Variants in PHF12 observed in about 807,000 individuals in gnomAD.
The protein encoded by PHF12 is PHD factor 1.
Under a neutral mutation model 99.8 loss-of-function variants are expected in PHF12, and 6 were observed. That is an observed-to-expected ratio of 0.06 (90% CI 0.03 to 0.12). The LOEUF (loss-of-function observed/expected upper bound fraction) is 0.12, where lower values mean the gene tolerates loss of function less well. PHF12 is among the 10% of genes least tolerant of loss of function. PHF12 has a pLI of 1.00. For synonymous variants in PHF12, 480 were observed against 514.9 expected, an observed-to-expected ratio of 0.93 and a Z score of 0.92; for missense variants, 954 against 1,300.1, an observed-to-expected ratio of 0.73 and a Z score of 4.09.
intron 11 of PHF12, chr17:28,909,977 G>A: frequency 4.6e-6 from 3 of 652,358 alleles, no homozygotes; most frequent in Non-Finnish European, 8.3e-6. Context: ...CTGCTTTGCT[G>A]TGTCTCGAAG....
intron 10 of PHF12, 122 bp from the exon 11 acceptor site, chr17:28,910,491 A>T: frequency 1.6e-6 from 2 of 1,213,206 alleles, no homozygotes; most frequent in Non-Finnish European, 2.3e-6. Context: ...TTTTTACTCA[A>T]ACAGCATTGA....
chr17:28,910,247 A>G lies in PHF12; in HGVS notation c.2338T>C (p.Ser780Pro). ...PGSVGTHQLA[S>P]GGHHIEVQRK... ...GCACCTTCTATGTGGTGCCCTCCAGAAGCCAGCTGATGTGTCCCGACACTG... is the reference window on the plus strand; with the variant it reads ...GCACCTTCTATGTGGTGCCCTCCAGGAGCCAGCTGATGTGTCCCGACACTG... The change falls in exon 11 of 15, where the codon TCT becomes CCT. Residue 780 changes from serine (S) to proline (P), a missense_variant. Ser to Pro is a moderately conservative substitution (Grantham distance 74). Coordinates refer to ENST00000332830, the MANE Select transcript of PHF12 (RefSeq NM_001033561.2). 6.2e-7 allele frequency: 1 copy of G among 1,614,212 alleles called. No individual in the cohort carries two copies. Among genetic ancestry groups the G allele is most frequent in the Non-Finnish European group, 8.5e-7 (1 of 1,180,020 alleles).
At chr17:28,928,921 C>A (rs1408551127) in intron 2 of PHF12, among the ~76,000 whole-genome samples, 7 of 152,010 alleles carry the variant, frequency 4.6e-5, no homozygotes, top group African/African-American at 1.7e-4. Flanking sequence ...CATGGTGAAA[C>A]CCTGTCTCTA....
intron 2 of PHF12, among the ~76,000 whole-genome samples, chr17:28,946,209 ACT>A (rs1170773623): frequency 1.3e-5 from 2 of 152,100 alleles, no homozygotes; most frequent in East Asian, 3.8e-4. Flanking sequence ...CCCTACTATC[ACT>A]CTGAATAATT....
chr17:28,911,816 A>T (rs1229694262), intron 9 of PHF12, among the ~76,000 whole-genome samples: 1 of 152,174 alleles, frequency 6.6e-6, no homozygotes, highest in Non-Finnish European at 1.5e-5. Flanking sequence ...TGCTGGGGTC[A>T]GCAACTTCAA....
In PHF12 at chr17:28,914,529, G is replaced by A. The variant is rs1344003476; in HGVS notation, c.1135-492C>T. Reference sequence around the variant, plus strand: ...CTACTACAAATATGAAAAATTAGCCGGGCGTGGTGGTGGGCGCCTATAGTC... The same window carrying A: ...CTACTACAAATATGAAAAATTAGCCAGGCGTGGTGGTGGGCGCCTATAGTC... On this transcript the variant is annotated intron_variant, in intron 7 of 14. Coordinates refer to ENST00000332830, the MANE Select transcript of PHF12 (RefSeq NM_001033561.2). Among the ~76,000 whole-genome samples the A allele has an allele frequency of 4.0e-5, 6 of 151,844 alleles. No homozygotes were observed. The East Asian group carries it at 5.8e-4, about 15-fold the overall frequency.
intron 2 of PHF12, among the ~76,000 whole-genome samples, chr17:28,936,244 C>T (rs914453264): frequency 6.6e-6 from 1 of 152,104 alleles, no homozygotes; most frequent in Non-Finnish European, 1.5e-5. Flanking sequence ...ACCAGTGGGA[C>T]CTGTTGCTCC....
intron 9 of PHF12, 100 bp from the exon 10 acceptor site, chr17:28,911,337 G>T: frequency 6.7e-7 from 1 of 1,491,210 alleles, no homozygotes; most frequent in Non-Finnish European, 9.1e-7. Flanking sequence ...GACCCAAGGT[G>T]ATGTTCCCTT....
At chr17:28,936,093 G>C (rs1425458034) in intron 2 of PHF12, among the ~76,000 whole-genome samples, 1 of 152,184 alleles carries the variant, frequency 6.6e-6, no homozygotes, top group Non-Finnish European at 1.5e-5. Flanking sequence ...AGTTGTCATG[G>C]TTCTTGGCGC....
chr17:28,943,558 A>G (rs1270576818), intron 2 of PHF12, among the ~76,000 whole-genome samples: 2 of 152,140 alleles, frequency 1.3e-5, no homozygotes, highest in African/African-American at 2.4e-5. Flanking sequence ...TGAACCTGGG[A>G]GGTGGACGCT....
intron 10 of PHF12, chr17:28,910,620 T>C (rs1486877201): frequency 1.8e-6 from 1 of 547,076 alleles, no homozygotes; most frequent in Non-Finnish European, 3.2e-6. Flanking sequence ...TTAATTAAAG[T>C]GCCCCTAGAA....
intron 7 of PHF12, among the ~76,000 whole-genome samples, chr17:28,914,671 C>CAAA (rs61203588): frequency 0.074 from 2,250 of 30,286 alleles, 457 homozygotes; most frequent in Middle Eastern, 0.18. Flanking sequence ...GACTCCGTCT[C>CAAA]AAAAAAAAAA....
Position 28,951,106 on chromosome 17 carries a change from A to G in PHF12, c.-146T>C. On this transcript the variant is annotated 5_prime_UTR_variant, in exon 1 of 15. Coordinates refer to ENST00000332830, the MANE Select transcript of PHF12 (RefSeq NM_001033561.2). ...GACTTCCTCGCCCTGGCTCCCCCCC[A>G]CCCCCCGGCCCCCAGTCCCCGGGAC... 1.8e-6 allele frequency: 2 copies of G among 1,115,784 alleles called. No homozygotes were observed. Among genetic ancestry groups the G allele is most frequent in the Non-Finnish European group, 2.5e-6 (2 of 813,898 alleles). 69.1% of individuals were successfully genotyped at this position (1,115,784 alleles called of 1,614,324 possible).
At chr17:28,939,001 G>A (rs533230766) in intron 2 of PHF12, among the ~76,000 whole-genome samples, 4 of 152,188 alleles carry the variant, frequency 2.6e-5, no homozygotes, top group Admixed American at 2.0e-4. Flanking sequence ...AGCCCTCAAA[G>A]AAAGGCAGCA....
Position 28,905,844 on chromosome 17 carries a change from G to C in PHF12, c.*339C>G, listed in dbSNP as rs1259303250. ...CTGATTATTTTACAATGGTGGGCGAGGGGGAGGGAGCAGGAGGTGGGTGGG... is the reference window on the plus strand; with the variant it reads ...CTGATTATTTTACAATGGTGGGCGACGGGGAGGGAGCAGGAGGTGGGTGGG... On this transcript the variant is annotated 3_prime_UTR_variant, in exon 15 of 15. Transcript: ENST00000332830. 1 of 232,778 alleles carries C rather than the reference G, an allele frequency of 4.3e-6. No individual in the cohort carries two copies. The highest frequency in any genetic ancestry group is 2.2e-5 in the African/African-American group (1 of 44,480). The allele number at this position is 232,778 out of a possible 1,614,324, so 14.4% of individuals were successfully genotyped here.
Position 28,951,024 on chromosome 17 carries a change from G to A in PHF12, c.-64C>T. 1.2e-6 allele frequency: 2 copies of A among 1,608,212 alleles called. No individual in the cohort carries two copies. The highest frequency in any genetic ancestry group is 1.3e-5 in the African/African-American group (1 of 74,830). ...CCCCCAACCCCGGGGGGAGGGGGGA[G>A]GTGAGGGGAGGGGGCGCTCCTGACC... is the stretch of plus-strand genomic sequence containing the variant. On this transcript the variant is annotated 5_prime_UTR_variant, in exon 1 of 15. Coordinates refer to ENST00000332830, the MANE Select transcript of PHF12 (RefSeq NM_001033561.2).
At chr17:28,945,438 G>A (rs1290701757) in intron 2 of PHF12, 1 of 152,114 alleles carries the variant, frequency 6.6e-6, no homozygotes, top group Non-Finnish European at 1.5e-5. Context: ...CCAGAGAGAG[G>A]AAAGCTGGCC....
At chr17:28,946,472 C>G (rs2040724413) in intron 2 of PHF12, among the ~76,000 whole-genome samples, 1 of 152,096 alleles carries the variant, frequency 6.6e-6, no homozygotes, top group South Asian at 2.1e-4. Flanking sequence ...CATTTCCTTA[C>G]TATTTATCTT....
At position 28,950,312 on chromosome 17, in the gene PHF12, G is replaced by A. The variant is rs775883053; in HGVS notation, c.67-66C>T. On this transcript the variant is annotated intron_variant, in intron 1 of 14. Coordinates refer to ENST00000332830, the MANE Select transcript of PHF12 (RefSeq NM_001033561.2). This position sits in a 1 kb window ranked among gnomAD's most constrained non-coding sequence, Gnocchi z 5.7. ...TCCCGGGCGGTCCGTCGCCCCCCCGGCGCGGTTTCTCCGTCACCCACCCCT... is the reference window on the plus strand; with the variant it reads ...TCCCGGGCGGTCCGTCGCCCCCCCGACGCGGTTTCTCCGTCACCCACCCCT... 1.2e-5 allele frequency: 18 copies of A among 1,513,556 alleles called. No individual in the cohort carries two copies. The highest frequency in any genetic ancestry group is 1.6e-5 in the Non-Finnish European group (18 of 1,127,896). The allele number at this position is 1,513,556 out of a possible 1,614,324, so 93.8% of individuals were successfully genotyped here.
Sources: gnomAD v4.1 joint callset for allele counts (sites outside exome capture counted in the v4.1 genomes callset) on GRCh38, gnomAD v4.1.1 for gene constraint, Gnocchi (gnomAD v3.1) non-coding constraint, MANE v1.5 for transcripts, NCBI Gene and HGNC (gene_info 2026-07-23, HGNC 2026-07-21) for gene names.